Variants in ARB2A observed in about 807,000 individuals in gnomAD.
ARB2A encodes ARB2 cotranscriptional regulator A, also known as cotranscriptional regulator ARB2A.
At chr5:93,641,414 G>T in the ARB2A span, among the ~76,000 whole-genome samples, 5 of 152,024 alleles carry the variant, frequency 3.3e-5, no homozygotes, top group Non-Finnish European at 7.4e-5. Context: ...AAATCATATT[G>T]ATGGGAAACA....
At chr5:93,792,309 C>T in the ARB2A span, among the ~76,000 whole-genome samples, 3 of 151,964 alleles carry the variant, frequency 2.0e-5, no homozygotes, top group Non-Finnish European at 4.4e-5. Flanking sequence ...TAAGTTAGGA[C>T]TAAACATTGT....
At chr5:93,733,612 C>A in the ARB2A span, 2 of 152,116 alleles carry the variant, frequency 1.3e-5, no homozygotes, top group East Asian at 3.9e-4. Context: ...ATGAAGGTTG[C>A]ACCAATTCAC....
the ARB2A span, among the ~76,000 whole-genome samples, chr5:93,940,455 T>TA: frequency 1.3e-5 from 2 of 151,996 alleles, no homozygotes; most frequent in African/African-American, 4.8e-5. Flanking sequence ...AATTAGTAGA[T>TA]ATGTCTTTTT....
At chr5:93,696,711 T>C in the ARB2A span, among the ~76,000 whole-genome samples, 1 of 152,126 alleles carries the variant, frequency 6.6e-6, no homozygotes, top group Non-Finnish European at 1.5e-5. Flanking sequence ...GAGTCAAAAA[T>C]ACCACAATGC....
chr5:93,727,430 A>G, the ARB2A span, among the ~76,000 whole-genome samples: 1 of 152,066 alleles, frequency 6.6e-6, no homozygotes. Context: ...TATGATTTGG[A>G]TGAGCTATAT....
the ARB2A span, among the ~76,000 whole-genome samples, chr5:93,795,399 C>A: frequency 6.6e-6 from 1 of 152,088 alleles, no homozygotes; most frequent in Non-Finnish European, 1.5e-5. Flanking sequence ...TGAGAAGGCA[C>A]GCAGACTCAC....
the ARB2A span, among the ~76,000 whole-genome samples, chr5:93,974,882 C>A: frequency 6.6e-6 from 1 of 152,146 alleles, no homozygotes; most frequent in African/African-American, 2.4e-5. Flanking sequence ...TCTTGAATGA[C>A]TTCTGGATAA....
chr5:93,643,909 A>G, the ARB2A span, among the ~76,000 whole-genome samples: 83 of 152,366 alleles, frequency 5.4e-4, no homozygotes, highest in African/African-American at 1.9e-3. Flanking sequence ...AGTATTTACT[A>G]TATTCCTGGT....
At chr5:93,947,622 C>T in the ARB2A span, among the ~76,000 whole-genome samples, 12 of 148,264 alleles carry the variant, frequency 8.1e-5, no homozygotes, top group East Asian at 2.0e-4. Context: ...CCCATTAACT[C>T]GTCATTTAGC....
At chr5:93,913,661 G>A in the ARB2A span, among the ~76,000 whole-genome samples, 1 of 151,850 alleles carries the variant, frequency 6.6e-6, no homozygotes, top group African/African-American at 2.4e-5. Context: ...AGACTAAGAT[G>A]GCATAATAAA....
chr5:93,794,142 C>G, the ARB2A span, among the ~76,000 whole-genome samples: 1 of 151,954 alleles, frequency 6.6e-6, no homozygotes, highest in Non-Finnish European at 1.5e-5. Context: ...CTGTCTTTGA[C>G]ACACTGAGTT....
the ARB2A span, among the ~76,000 whole-genome samples, chr5:94,092,797 C>G: frequency 2.2e-3 from 334 of 152,210 alleles, no homozygotes; most frequent in Admixed American, 4.8e-3. Context: ...AGTTTAAGTT[C>G]TATTAGATGC....
At chr5:93,855,036 A>C in the ARB2A span, among the ~76,000 whole-genome samples, 282 of 152,092 alleles carry the variant, frequency 1.9e-3, 1 homozygote, top group African/African-American at 5.9e-3. Context: ...TCTTGTTGAT[A>C]TGTCTAATGT....
the ARB2A span, among the ~76,000 whole-genome samples, chr5:93,637,427 G>A: frequency 3.5e-5 from 5 of 142,914 alleles, no homozygotes; most frequent in Admixed American, 2.2e-4. Context: ...TTTTGTGTGA[G>A]CACAAATCTT....
chr5:93,664,556 G>A, the ARB2A span, among the ~76,000 whole-genome samples: 86 of 151,326 alleles, frequency 5.7e-4, no homozygotes, highest in East Asian at 2.0e-4. Flanking sequence ...ACATGAACCC[G>A]GGAGGTGGAG....
the ARB2A span, among the ~76,000 whole-genome samples, chr5:93,868,684 G>T: frequency 6.6e-6 from 1 of 152,166 alleles, no homozygotes; most frequent in African/African-American, 2.4e-5. Flanking sequence ...CAGATGGACA[G>T]TTTGGGACTG....
the ARB2A span, among the ~76,000 whole-genome samples, chr5:94,044,461 TAGTC>T: frequency 6.6e-6 from 1 of 152,078 alleles, no homozygotes; most frequent in Admixed American, 6.5e-5. Flanking sequence ...GAGATCCTCA[TAGTC>T]AGGCAGGAAT....
At chr5:94,028,093 T>G in the ARB2A span, among the ~76,000 whole-genome samples, 2 of 152,316 alleles carry the variant, frequency 1.3e-5, no homozygotes, top group Non-Finnish European at 2.9e-5. Flanking sequence ...AGTTTGAGGT[T>G]TTTCCACTCA....
the ARB2A span, among the ~76,000 whole-genome samples, chr5:94,038,025 T>C: frequency 3.9e-5 from 6 of 152,246 alleles, no homozygotes; most frequent in Middle Eastern, 6.8e-3. Flanking sequence ...ATTGTTGCTA[T>C]TCTCTTTTTA....
Sources: gnomAD v4.1 joint callset for allele counts (sites outside exome capture counted in the v4.1 genomes callset) on GRCh38, gnomAD v4.1.1 for gene constraint, MANE v1.5 for transcripts, NCBI Gene and HGNC (gene_info 2026-07-23, HGNC 2026-07-21) for gene names.